Variants in HDAC9 observed in about 807,000 individuals in gnomAD.
HDAC9 encodes histone deacetylase 9, also known as MEF-2 interacting transcription repressor (MITR) protein.
In HDAC9, 41 loss-of-function variants were observed where a neutral mutation model predicts 139.4. That is an observed-to-expected ratio of 0.29 (90% CI 0.23 to 0.38). HDAC9 has a LOEUF of 0.38. Among genes scored for constraint, HDAC9 ranks in the 10% least tolerant of loss-of-function variants. HDAC9 has a pLI of 1.00. For synonymous variants in HDAC9, 517 were observed against 476.2 expected, an observed-to-expected ratio of 1.09 and a Z score of -1.12; for missense variants, 1,147 against 1,297.0, an observed-to-expected ratio of 0.88 and a Z score of 1.78.
intron 1 of HDAC9, among the ~76,000 whole-genome samples, chr7:18,298,735 A>G (rs1008224957): frequency 1.3e-5 from 2 of 152,212 alleles, no homozygotes; most frequent in East Asian, 3.8e-4. Context: ...CAGTGTTGCT[A>G]CATAGGACAC....
chr7:18,113,502 T>C (rs1783765672), intron 1 of HDAC9, among the ~76,000 whole-genome samples: 1 of 152,216 alleles, frequency 6.6e-6, no homozygotes, highest in Non-Finnish European at 1.5e-5. Flanking sequence ...GGGATATAAT[T>C]TGAGGTTGAC....
At chr7:18,274,506 C>A (rs1796586986) in intron 2 of HDAC9, among the ~76,000 whole-genome samples, 1 of 152,162 alleles carries the variant, frequency 6.6e-6, no homozygotes, top group South Asian at 2.1e-4. Flanking sequence ...CATGAAGGAT[C>A]CACCCCTATG....
At chr7:18,110,374 G>A (rs376594529) in intron 1 of HDAC9, among the ~76,000 whole-genome samples, 8 of 152,278 alleles carry the variant, frequency 5.3e-5, no homozygotes, top group African/African-American at 1.9e-4. Context: ...GTACAGAGGA[G>A]GGGTCTTCCA....
At chr7:18,592,014 G>C (rs1356112108) in intron 5 of HDAC9, among the ~76,000 whole-genome samples, 1 of 152,090 alleles carries the variant, frequency 6.6e-6, no homozygotes, top group African/African-American at 2.4e-5. Context: ...CTCAACTGGT[G>C]CATTTGGTAT....
At chr7:18,428,763 A>G (rs994491747) in intron 1 of HDAC9, among the ~76,000 whole-genome samples, 2 of 152,078 alleles carry the variant, frequency 1.3e-5, no homozygotes, top group African/African-American at 4.8e-5. Context: ...CCTCAGAGTA[A>G]AAGCAAAAAT....
At chr7:18,859,811 C>CATATATATATAT (rs56249427) in intron 21 of HDAC9, among the ~76,000 whole-genome samples, 38 of 44,834 alleles carry the variant, frequency 8.5e-4, no homozygotes, top group Non-Finnish European at 1.2e-3. Context: ...CTAACGCTCT[C>CATATATATATAT]ATATATATAT....
Position 19,001,667 on chromosome 7 carries a change from A to G in HDAC9, c.*5605A>G, listed in dbSNP as rs773279315. ...CGATTTGTTCTTCCTACACTTTAAT[A>G]GTCTCAAATTCTTTCTGGGGAAGCA... On this transcript the variant is annotated 3_prime_UTR_variant, in exon 26 of 26. Transcript: ENST00000686413. 2 of 151,982 alleles carry G rather than the reference A, an allele frequency of 1.3e-5. No individual in the cohort carries two copies. The highest frequency in any genetic ancestry group is 4.8e-5 in the African/African-American group (2 of 41,400). 9.4% of individuals were successfully genotyped at this position (151,982 alleles called of 1,614,324 possible).
chr7:18,688,481 C>G (rs1029737874), intron 12 of HDAC9, among the ~76,000 whole-genome samples: 2 of 151,782 alleles, frequency 1.3e-5, no homozygotes, highest in Non-Finnish European at 2.9e-5. Context: ...TTTACATATG[C>G]CCTCTATATT....
intron 1 of HDAC9, among the ~76,000 whole-genome samples, chr7:18,135,647 G>A (rs1302895164): frequency 2.9e-5 from 4 of 136,668 alleles, no homozygotes; most frequent in Non-Finnish European, 6.2e-5. Context: ...ATTTTTTATG[G>A]CTGCATAGTA....
intron 1 of HDAC9, among the ~76,000 whole-genome samples, chr7:18,392,403 A>AGATAGATG (rs1554402287): frequency 6.5e-5 from 3 of 46,252 alleles, no homozygotes; most frequent in Admixed American, 2.1e-4. Flanking sequence ...ATAGATGGAT[A>AGATAGATG]GATAGATAGA....
At chr7:18,813,674 G>A (rs1794354343) in intron 17 of HDAC9, among the ~76,000 whole-genome samples, 1 of 152,138 alleles carries the variant, frequency 6.6e-6, no homozygotes, top group African/African-American at 2.4e-5. Flanking sequence ...TACTTTGTGG[G>A]AAACTACCTT....
intron 2 of HDAC9, among the ~76,000 whole-genome samples, chr7:18,513,916 G>T (rs962151811): frequency 3.9e-5 from 6 of 152,308 alleles, no homozygotes; most frequent in African/African-American, 1.4e-4. Context: ...TAATCCTACA[G>T]ATTTTAGGTT....
chr7:18,666,352 C>G lies in HDAC9; in HGVS notation c.1607C>G (p.Ala536Gly). ...AACAGCACTAGGAGCGACAGCAGTG[C>G]TTGTGTGGATGACACACTGGGACAA... ...SGNSTRSDSSACVDDTLGQVG... is the reference protein window; with the variant it reads ...SGNSTRSDSSGCVDDTLGQVG... Residue 536 changes from alanine (A) to glycine (G), a missense_variant, in exon 12 of 26, where the codon GCT (alanine) becomes GGT (glycine). Transcript: ENST00000686413. 6.2e-7 allele frequency: 1 copy of G among 1,613,356 alleles called. No homozygotes were observed. Among genetic ancestry groups the G allele is most frequent in the Non-Finnish European group, 8.5e-7 (1 of 1,179,606 alleles).
At chr7:18,762,575 T>C (rs967938006) in intron 15 of HDAC9, among the ~76,000 whole-genome samples, 5 of 152,246 alleles carry the variant, frequency 3.3e-5, no homozygotes, top group African/African-American at 1.2e-4. Context: ...ATTTATTGTG[T>C]TTTCAAACTT....
intron 25 of HDAC9, among the ~76,000 whole-genome samples, chr7:18,990,254 G>T (rs1434426037): frequency 1.3e-5 from 2 of 152,114 alleles, no homozygotes; most frequent in African/African-American, 2.4e-5. Flanking sequence ...CTTTCTGTTT[G>T]TTAGGACAGA....
chr7:18,624,830 A>T (rs757898072), intron 6 of HDAC9, among the ~76,000 whole-genome samples: 9 of 151,952 alleles, frequency 5.9e-5, no homozygotes, highest in Non-Finnish European at 1.0e-4. Context: ...CCAGGACTAA[A>T]TGATAGTTAT....
intron 9 of HDAC9, among the ~76,000 whole-genome samples, chr7:18,645,992 A>G (rs1364179622): frequency 6.6e-6 from 1 of 152,212 alleles, no homozygotes; most frequent in African/African-American, 2.4e-5. Context: ...GGATTATAAA[A>G]GAAAGCATTG....
intron 2 of HDAC9, among the ~76,000 whole-genome samples, chr7:18,532,696 T>G (rs988595423): frequency 6.6e-5 from 10 of 152,254 alleles, no homozygotes; most frequent in Admixed American, 2.6e-4. Context: ...TCAAAGTAAG[T>G]CATGCATTTA....
At chr7:18,119,904 T>C (rs1158933934) in intron 1 of HDAC9, among the ~76,000 whole-genome samples, 1 of 152,220 alleles carries the variant, frequency 6.6e-6, no homozygotes, top group African/African-American at 2.4e-5. Context: ...GAGAATTCAT[T>C]TCATCAAGTA....
Sources: allele counts gnomAD v4.1 joint callset (sites outside exome capture counted in the v4.1 genomes callset), GRCh38; gene constraint gnomAD v4.1.1; transcripts MANE v1.5; gene names NCBI Gene and HGNC (gene_info 2026-07-23, HGNC 2026-07-21).